Variants in TAF1A observed in about 807,000 individuals in gnomAD.
TAF1A encodes TATA-box binding protein associated factor, RNA polymerase I subunit A.
TAF1A carries 42 observed loss-of-function variants against 61.6 expected under a neutral mutation model. The ratio of observed to expected loss-of-function variants is 0.68; its 90% confidence interval spans 0.53 to 0.88. TAF1A has a LOEUF of 0.88. Ranked by LOEUF, TAF1A falls within the 40% of genes least tolerant of loss-of-function variation. The probability of loss-of-function intolerance (pLI) is 0.00; values close to 1 mark genes in which losing one functional copy is unlikely to be tolerated. For missense variants in TAF1A, 424 were observed against 518.7 expected, an observed-to-expected ratio of 0.82 and a Z score of 1.77; for synonymous variants, 179 against 177.7, an observed-to-expected ratio of 1.01 and a Z score of -0.06.
chr1:222,562,377 T>C (rs553413844), intron 9 of TAF1A, among the ~76,000 whole-genome samples: 1 of 152,286 alleles, frequency 6.6e-6, no homozygotes, highest in South Asian at 2.1e-4. Context: ...AAAATGAACC[T>C]CTTTGCTTTC....
downstream of TAF1A, among the ~76,000 whole-genome samples, chr1:222,556,494 T>G (rs1659728099): frequency 6.6e-6 from 1 of 152,212 alleles, no homozygotes; most frequent in African/African-American, 2.4e-5. Context: ...CTTGGCAAGT[T>G]ACTTCATCTC....
chr1:222,572,262 G>A (rs1201405994), intron 5 of TAF1A, among the ~76,000 whole-genome samples: 1 of 149,436 alleles, frequency 6.7e-6, no homozygotes, highest in Non-Finnish European at 1.5e-5. Flanking sequence ...TAGTAATCAA[G>A]ACTGTGTGAT....
chr1:222,583,638 G>C (rs537096720), intron 3 of TAF1A, among the ~76,000 whole-genome samples: 1 of 152,164 alleles, frequency 6.6e-6, no homozygotes, highest in South Asian at 2.1e-4. Flanking sequence ...AAGAGATTGA[G>C]ACCGTCCTGG....
chr1:222,554,865 A>G (rs1659709067), downstream of TAF1A, among the ~76,000 whole-genome samples: 1 of 152,230 alleles, frequency 6.6e-6, no homozygotes, highest in South Asian at 2.1e-4. Context: ...GGGTGTTGAC[A>G]GCTTTACAGA....
In TAF1A at chr1:222,588,513, T is replaced by A. The variant is rs1303181842; in HGVS notation, c.51A>T (p.Glu17Asp). ...CACCACTGAGCACAGATGTTTCCAC[T>A]TCTTCATCATCTGTCACAGGCCCTT... ...ELKGPVTDDE[E>D]VETSVLSGAG... The change falls in exon 2 of 11, where the codon GAA becomes GAT. Residue 17 changes from glutamate to aspartate, a missense_variant. Coordinates refer to ENST00000352967, the MANE Select transcript of TAF1A (RefSeq NM_005681.4). 6.2e-7 allele frequency: 1 copy of A among 1,614,002 alleles called. No homozygotes were observed. Among genetic ancestry groups the A allele is most frequent in the East Asian group, 2.2e-5 (1 of 44,810 alleles).
intron 4 of TAF1A, among the ~76,000 whole-genome samples, chr1:222,578,575 T>A (rs1660662518): frequency 1.3e-5 from 2 of 152,200 alleles, no homozygotes. Flanking sequence ...GGGCTGCCCT[T>A]TCCCCTAATC....
intron 7 of TAF1A, among the ~76,000 whole-genome samples, chr1:222,568,185 A>G (rs1254600623): frequency 2.0e-5 from 3 of 151,526 alleles, no homozygotes; most frequent in Non-Finnish European, 4.4e-5. Context: ...CATCTAGAAA[A>G]AAAAAAAAAA....
In TAF1A at chr1:222,577,436, T is replaced by G; in HGVS notation, c.604+9A>C. The G allele has an allele frequency of 1.9e-6, 3 of 1,612,826 alleles. No homozygotes were observed. The highest frequency in any genetic ancestry group is 2.5e-6 in the Non-Finnish European group (3 of 1,179,046). ...CATCATAAGAAAAAGTTTACCTGTA[T>G]TCACTTACCAAGCTTTGACAATTCC... is the stretch of plus-strand genomic sequence containing the variant. On this transcript the variant is annotated intron_variant, in intron 5 of 10. Transcript: ENST00000352967.
At chr1:222,567,206 A>G (rs1348081056) in intron 7 of TAF1A, among the ~76,000 whole-genome samples, 20 of 152,226 alleles carry the variant, frequency 1.3e-4, no homozygotes, top group Admixed American at 1.2e-3. Context: ...CAAAAGGACA[A>G]ATGTTATATG....
chr1:222,569,005 C>T (rs1660232751), intron 7 of TAF1A: 2 of 163,148 alleles, frequency 1.2e-5, no homozygotes, highest in Admixed American at 1.2e-4. Flanking sequence ...AGTCCATTTA[C>T]ATGAAATTCT....
At chr1:222,569,287 G>A in intron 7 of TAF1A, 1 of 1,449,914 alleles carries the variant, frequency 6.9e-7, no homozygotes, top group Non-Finnish European at 9.1e-7. Flanking sequence ...GGTTGCACAA[G>A]ACTTCTGATC....
At chr1:222,578,114 G>A (rs1660645085) in intron 4 of TAF1A, among the ~76,000 whole-genome samples, 1 of 152,156 alleles carries the variant, frequency 6.6e-6, no homozygotes, top group Admixed American at 6.5e-5. Flanking sequence ...TGTTATATAA[G>A]CTTAGAGAAA....
chr1:222,585,772 G>A (rs3008648), intron 2 of TAF1A, among the ~76,000 whole-genome samples: 151,568 of 152,298 alleles, frequency 1, 75,425 homozygotes, highest in Middle Eastern at 1. Context: ...GTACAACAAA[G>A]AGGAACATAA....
chr1:222,589,440 T>C (rs1253802024), intron 1 of TAF1A, among the ~76,000 whole-genome samples: 1 of 152,216 alleles, frequency 6.6e-6, no homozygotes, highest in Non-Finnish European at 1.5e-5. Flanking sequence ...ATTCAAAGCA[T>C]GTGGCTAGGA....
At chr1:222,564,924 A>C (rs1238828104) in intron 7 of TAF1A, among the ~76,000 whole-genome samples, 1 of 152,218 alleles carries the variant, frequency 6.6e-6, no homozygotes, top group African/African-American at 2.4e-5. Context: ...TTCAGTTCCT[A>C]TGAAAGTCAC....
intron 5 of TAF1A, among the ~76,000 whole-genome samples, chr1:222,573,166 G>A (rs1024800058): frequency 4.6e-5 from 7 of 152,210 alleles, no homozygotes; most frequent in Non-Finnish European, 7.3e-5. Context: ...CTACTCGGGA[G>A]GCTGAGGCAG....
In TAF1A at chr1:222,558,863, A is replaced by C. The variant is rs1437289267; in HGVS notation, c.1241-91T>G. On this transcript the variant is annotated intron_variant, in intron 10 of 10. Transcript: ENST00000352967. ...TTAAAAATTCTGCTTTAAGTTTAGC[A>C]CACTAATGATTATGAAAATAGATTT... 3 of 521,676 alleles carry C rather than the reference A, an allele frequency of 5.8e-6. No individual in the cohort carries two copies. The East Asian group carries it at 9.1e-5, about 16-fold the overall frequency. 32.3% of individuals were successfully genotyped at this position (521,676 alleles called of 1,614,324 possible).
At chr1:222,569,382 T>A in intron 7 of TAF1A, 128 bp downstream of exon 7, 1 of 1,577,034 alleles carries the variant, frequency 6.3e-7, no homozygotes, top group Non-Finnish European at 8.6e-7. Flanking sequence ...ACTTTCTCTG[T>A]TTATCTCAGT....
intron 5 of TAF1A, among the ~76,000 whole-genome samples, chr1:222,574,987 T>C (rs1021868468): frequency 2.0e-5 from 3 of 152,154 alleles, no homozygotes; most frequent in African/African-American, 7.2e-5. Flanking sequence ...CATTTTAAAT[T>C]TATTCATTAT....
Sources: allele counts gnomAD v4.1 joint callset (sites outside exome capture counted in the v4.1 genomes callset), GRCh38; gene constraint gnomAD v4.1.1; transcripts MANE v1.5; gene names NCBI Gene and HGNC (gene_info 2026-07-23, HGNC 2026-07-21).